SAG: variants seen among roughly 807,000 people sequenced by gnomAD.
SAG encodes the protein S-arrestin.
SAG carries 45 observed loss-of-function variants against 55.0 expected under a neutral mutation model. The ratio of observed to expected loss-of-function variants is 0.82; its 90% CI spans 0.64 to 1.05. The LOEUF is 1.05. SAG is among the 50% of genes least tolerant of loss of function. The probability of loss-of-function intolerance (pLI) is 0.00; values close to 1 mark genes in which losing one functional copy is unlikely to be tolerated. For missense variants in SAG, 455 were observed against 512.1 expected (o/e 0.89, Z 1.08); for synonymous variants, 189 against 197.4 (o/e 0.96, Z 0.36).
At chr2:233,331,427 A>T (rs1340157276) in intron 9 of SAG, 4 of 609,708 alleles carry the variant, frequency 6.6e-6, no homozygotes, top group East Asian at 5.6e-5. Flanking sequence ...GTGGGAGTTG[A>T]TACAGAGCAG....
chr2:233,346,935 A>C lies in SAG; in HGVS notation c.*23A>C. The C allele has an allele frequency of 7.1e-7, 1 of 1,416,522 alleles. No individual in the cohort carries two copies. Among genetic ancestry groups the C allele is most frequent in the South Asian group, 1.2e-5 (1 of 84,394 alleles). 87.7% of individuals were successfully genotyped at this position (1,416,522 alleles called of 1,614,324 possible). A position where few individuals can be genotyped will look rare whatever the true frequency, so the allele number is the denominator to read the frequency against. On this transcript the variant is annotated 3_prime_UTR_variant, in exon 16 of 16. Transcript: ENST00000409110. ...TGAAGATGTCGGCTCAGGATGCCGG[A>C]AAATGACCTGTAGTTACCAGTGCAA... is the stretch of plus-strand genomic sequence containing the variant.
At chr2:233,332,992 T>TTGC (rs1700815501) in intron 10 of SAG, 1 of 151,324 alleles carries the variant, frequency 6.6e-6, no homozygotes, top group South Asian at 2.1e-4. Context: ...AGACAGGGTT[T>TTGC]CACCTGTTGG....
rs143845894 is a variant in SAG, at chr2:233,314,249, G to T, written c.76-1826G>T. On this transcript the variant is annotated intron_variant, in intron 2 of 15. Transcript: ENST00000409110. ...AAAAAAAAAAAAATTACAAGAAAGA[G>T]CTCCATGCGCCACACGGCAGTGACG... Among the ~76,000 whole-genome samples the T allele has an allele frequency of 1.0e-3, 156 of 151,670 alleles. 3 individuals carry two copies. The East Asian group carries it at 0.019, about 19-fold the overall frequency.
At chr2:233,344,105 T>C (rs555126857) in intron 14 of SAG, 3 of 152,606 alleles carry the variant, frequency 2.0e-5, no homozygotes, top group African/African-American at 7.2e-5. Flanking sequence ...ATTAAAAAGA[T>C]AGTCACTTGA....
At chr2:233,335,215 C>T (rs1341708318) in intron 11 of SAG, 116 bp downstream of exon 11, 10 of 1,343,752 alleles carry the variant, frequency 7.4e-6, no homozygotes, top group South Asian at 2.9e-5. Context: ...GGTGGTCTGG[C>T]GTGTGTAGTG....
chr2:233,338,580 C>T, intron 11 of SAG, 96 bp from the exon 12 acceptor site: 2 of 1,087,658 alleles, frequency 1.8e-6, no homozygotes, highest in Non-Finnish European at 2.8e-6. Flanking sequence ...GGAGAACCTC[C>T]ATGACGGCAT....
chr2:233,329,589 T>C lies in SAG; in HGVS notation c.733+12T>C, dbSNP rs761405074. 12 of 1,566,548 alleles carry C rather than the reference T, an allele frequency of 7.7e-6. No homozygotes were observed. The Admixed American group carries it at 8.4e-5, about 11-fold the overall frequency. On this transcript the variant is annotated intron_variant, in intron 9 of 15. Coordinates refer to ENST00000409110, the MANE Select transcript of SAG (RefSeq NM_000541.5). ...GATTAAAGCATTCGGTAGGACCTTC[T>C]TCTCAGAAGTAGAGGGCATAGTCTT... is the stretch of plus-strand genomic sequence containing the variant.
At position 233,340,440 on chromosome 2, in the gene SAG, GT is replaced by G. The variant is rs1318878751; in HGVS notation, c.1023-12del. On this transcript the variant is annotated splice_polypyrimidine_tract_variant and intron_variant, in intron 12 of 15. Coordinates refer to ENST00000409110, the MANE Select transcript of SAG (RefSeq NM_000541.5). This position sits in a 1 kb window ranked among gnomAD's most constrained non-coding sequence, Gnocchi z 4.2. ...CTGTGACAGTTAACGACAGGCGTTT[GT>G]TTGTGTTTTCTAGCTTTCTGGGAGA... 2 of 1,609,970 alleles carry G rather than the reference GT, an allele frequency of 1.2e-6. No homozygotes were observed.
rs1157029009 is a variant in SAG at position 233,327,155 on chromosome 2, C to A, written c.470C>A (p.Ala157Asp). Residue 157 changes from alanine to aspartate, a missense_variant, in exon 7 of 16, where the codon GCC becomes GAC. Ala to Asp is a moderately radical substitution (Grantham distance 126). Transcript: ENST00000409110. ...CGVDFEVKAF[A>D]TDSTDAEEDK... ...GTTGACTTTGAGGTCAAAGCATTCG[C>A]CACAGACAGCACCGATGCCGAAGAG... 5 of 1,613,760 alleles carry A rather than the reference C, an allele frequency of 3.1e-6. No homozygotes were observed. The highest frequency in any genetic ancestry group is 4.2e-6 in the Non-Finnish European group (5 of 1,179,810).
intron 2 of SAG, 101 bp downstream of exon 2, chr2:233,309,365 GAGGGCC>G: frequency 1.8e-6 from 2 of 1,085,756 alleles, no homozygotes; most frequent in Non-Finnish European, 2.7e-6. Context: ...AAAACTCTTT[GAGGGCC>G]AGGGCGCGGT....
chr2:233,308,791 G>A (rs928238934), intron 1 of SAG, among the ~76,000 whole-genome samples: 1 of 152,066 alleles, frequency 6.6e-6, no homozygotes, highest in Admixed American at 6.6e-5. Flanking sequence ...GAACTTTTCT[G>A]ATTTATTCGC....
At chr2:233,338,633 C>G in intron 11 of SAG, 43 bp from the exon 12 acceptor site, 1 of 1,558,734 alleles carries the variant, frequency 6.4e-7, no homozygotes, top group East Asian at 2.2e-5. Context: ...TCTTCACCCT[C>G]CTCTGCTCTC....
intron 3 of SAG, among the ~76,000 whole-genome samples, chr2:233,317,396 G>A (rs551840510): frequency 1.6e-3 from 238 of 152,298 alleles, no homozygotes; most frequent in African/African-American, 5.5e-3. Context: ...TGGAACCATT[G>A]GGAGAAACTG....
At chr2:233,346,566 T>A (rs1701258298) in intron 15 of SAG, among the ~76,000 whole-genome samples, 154 bp downstream of exon 15, 1 of 152,208 alleles carries the variant, frequency 6.6e-6, no homozygotes, top group Admixed American at 6.5e-5. Flanking sequence ...CCCTAGTGCT[T>A]ACGGCACGCA....
intron 2 of SAG, among the ~76,000 whole-genome samples, chr2:233,315,315 CAG>C (rs1700188440): frequency 1.0e-5 from 1 of 99,746 alleles, no homozygotes; most frequent in African/African-American, 3.8e-5. Flanking sequence ...TTTTTTGAGA[CAG>C]AGTCTTGCTC....
intron 14 of SAG, chr2:233,344,523 T>C (rs1701197407): frequency 6.6e-6 from 1 of 152,198 alleles, no homozygotes; most frequent in Admixed American, 6.5e-5. Flanking sequence ...GTTCCAGTCA[T>C]TATGGCCTTA....
chr2:233,319,586 A>G lies in SAG; in HGVS notation c.181+791A>G. On this transcript the variant is annotated intron_variant, in intron 4 of 15. Coordinates refer to ENST00000409110, the MANE Select transcript of SAG (RefSeq NM_000541.5). This position sits in a 1 kb window ranked among gnomAD's most constrained non-coding sequence, Gnocchi z 4.4. The stretch of plus-strand genomic sequence containing the variant: ...ATACGTCAGCTATGGGGCCATCAGC[A>G]TTGAGGGGGCATGGCTGAAATGGGG... 5.2e-6 allele frequency: 5 copies of G among 959,042 alleles called. No individual in the cohort carries two copies. The highest frequency in any genetic ancestry group is 6.0e-6 in the Non-Finnish European group (5 of 827,616). 59.4% of individuals were successfully genotyped at this position (959,042 alleles called of 1,614,324 possible). A position where few individuals can be genotyped will look rare whatever the true frequency, so the allele number is the denominator to read the frequency against.
intron 11 of SAG, among the ~76,000 whole-genome samples, chr2:233,336,447 G>A (rs964134226): frequency 6.6e-5 from 10 of 151,870 alleles, no homozygotes; most frequent in Non-Finnish European, 1.2e-4. Context: ...CCCGGGAGGC[G>A]GAGGTTGTGG....
chr2:233,334,552 T>G (rs1238874202), intron 10 of SAG: 8 of 177,642 alleles, frequency 4.5e-5, no homozygotes. Context: ...GACCCCCTTA[T>G]AGTGACAGTT....
Sources: gnomAD v4.1 joint callset for allele counts (sites outside exome capture counted in the v4.1 genomes callset) on GRCh38, gnomAD v4.1.1 for gene constraint, Gnocchi (gnomAD v3.1) non-coding constraint, MANE v1.5 for transcripts, NCBI Gene and HGNC (gene_info 2026-07-23, HGNC 2026-07-21) for gene names.